FGF17: variants seen among roughly 807,000 people sequenced by gnomAD.
FGF17 encodes the protein fibroblast growth factor 17.
A neutral mutation model predicts 23.5 loss-of-function variants in FGF17; 5 were observed. The observed-to-expected ratio is 0.21, with a 90% CI of 0.11 to 0.45. The LOEUF is 0.45. Ranked by LOEUF, FGF17 falls within the 20% of genes least tolerant of loss-of-function variation. The pLI is 0.99. For synonymous variants in FGF17, 136 were observed against 123.0 expected (o/e 1.11, Z -0.70); for missense variants, 221 against 306.9 (o/e 0.72, Z 2.09).
At chr8:22,041,565 G>C (rs931173958), upstream of FGF17, among the ~76,000 whole-genome samples, 3 of 152,096 alleles carry the variant, frequency 2.0e-5, no homozygotes, top group African/African-American at 7.2e-5. Context: ...TCTGTAGGGA[G>C]GGAACAGCAT....
At chr8:22,046,731 C>G in intron 4 of FGF17, 98 bp downstream of exon 4, 1 of 801,298 alleles carries the variant, frequency 1.2e-6, no homozygotes, top group South Asian at 1.5e-5. Context: ...GCCACACACC[C>G]TCCTGTGTAA....
Position 22,048,215 on chromosome 8 carries a change from C to A in FGF17, c.617C>A (p.Thr206Asn). ...EFVGSAPTRR[T>N]KRTRRPQPLT ...GTGGGCTCCGCCCCCACCCGCCGGA[C>A]CAAGCGCACACGGCGGCCCCAGCCC... Residue 206 changes from threonine (T) to asparagine (N), a missense_variant, in exon 5 of 5, where the codon ACC becomes AAC. Physicochemically the swap from Thr to Asn is moderately conservative, Grantham distance 65. Coordinates refer to ENST00000359441, the MANE Select transcript of FGF17 (RefSeq NM_003867.4). This position sits in a 1 kb window ranked among gnomAD's most constrained non-coding sequence, Gnocchi z 6.9. The A allele has an allele frequency of 6.2e-7, 1 of 1,610,988 alleles. No homozygotes were observed.
chr8:22,041,726 C>G (rs1800742759), upstream of FGF17, among the ~76,000 whole-genome samples: 1 of 152,228 alleles, frequency 6.6e-6, no homozygotes, highest in South Asian at 2.1e-4. Flanking sequence ...GAAGCATGGA[C>G]TTTTCCATTC....
At chr8:22,039,938 G>A (rs927267935), upstream of FGF17, among the ~76,000 whole-genome samples, 5 of 152,044 alleles carry the variant, frequency 3.3e-5, no homozygotes, top group Admixed American at 2.0e-4. Context: ...GGCGTGAGAC[G>A]ACCCCAGCTG....
Position 22,043,132 on chromosome 8 carries a change from T to C in FGF17, c.36-13T>C, listed in dbSNP as rs753399905. 1.2e-6 allele frequency: 2 copies of C among 1,613,774 alleles called. No individual in the cohort carries two copies. Among genetic ancestry groups the C allele is most frequent in the Admixed American group, 3.3e-5 (2 of 60,000 alleles). On this transcript the variant is annotated splice_polypyrimidine_tract_variant and intron_variant, in intron 1 of 4. Transcript: ENST00000359441. ...GGCACCCACACCTGGGCTTACCTCC[T>C]CTCCCCACACAGGTGCTTACAGCTG...
rs1801010996 is a variant in FGF17 at position 22,048,405 on chromosome 8, G to A, written c.*156G>A. On this transcript the variant is annotated 3_prime_UTR_variant, in exon 5 of 5. Coordinates refer to ENST00000359441, the MANE Select transcript of FGF17 (RefSeq NM_003867.4). This position sits in a 1 kb window ranked among gnomAD's most constrained non-coding sequence, Gnocchi z 6.9. ...CCGAGCCCCCAGCTGGGAAGGGGCAGGCCGGTGCCCCAGGGGCGGCTGGCA... is the reference window on the plus strand; with the variant it reads ...CCGAGCCCCCAGCTGGGAAGGGGCAAGCCGGTGCCCCAGGGGCGGCTGGCA... 3 of 705,276 alleles carry A rather than the reference G, an allele frequency of 4.3e-6. No individual in the cohort carries two copies. Among genetic ancestry groups the A allele is most frequent in the Admixed American group, 2.9e-5 (1 of 33,930 alleles). 43.7% of individuals were successfully genotyped at this position (705,276 alleles called of 1,614,324 possible).
chr8:22,045,550 C>T lies in FGF17; in HGVS notation c.73-564C>T, dbSNP rs1029124114. The T allele has an allele frequency of 3.7e-5, 37 of 993,644 alleles. No individual in the cohort carries two copies. In the African/African-American group the frequency reaches 4.9e-4, roughly 13 times the overall value. 61.6% of individuals were successfully genotyped at this position (993,644 alleles called of 1,614,324 possible). On this transcript the variant is annotated intron_variant, in intron 2 of 4. Coordinates refer to ENST00000359441, the MANE Select transcript of FGF17 (RefSeq NM_003867.4). ...TGCTTCAAAGAAATGCTCATGGGACCCTGCAGGAGCTTTCAGAGTCCCCCA... is the reference window on the plus strand; with the variant it reads ...TGCTTCAAAGAAATGCTCATGGGACTCTGCAGGAGCTTTCAGAGTCCCCCA...
upstream of FGF17, among the ~76,000 whole-genome samples, chr8:22,042,164 G>A (rs746577529): frequency 3.3e-5 from 5 of 152,220 alleles, no homozygotes; most frequent in Non-Finnish European, 7.3e-5. Context: ...CCAAGTGTCT[G>A]TCTCAGGCTA....
chr8:22,045,763 C>T, intron 2 of FGF17: 2 of 1,203,082 alleles, frequency 1.7e-6, no homozygotes, highest in East Asian at 5.2e-5. Context: ...GGGTTCTGTC[C>T]CTAATGAGCT....
chr8:22,043,882 G>T (rs1421553806), intron 2 of FGF17, among the ~76,000 whole-genome samples: 4 of 152,262 alleles, frequency 2.6e-5, no homozygotes, highest in Admixed American at 2.0e-4. Flanking sequence ...CCGCTCTGGG[G>T]AGAGATCGCT....
intron 2 of FGF17, chr8:22,045,750 C>G: frequency 1.7e-6 from 2 of 1,181,768 alleles, no homozygotes; most frequent in Non-Finnish European, 2.1e-6. Context: ...GAGGTAGGGA[C>G]AGGGGTTCTG....
upstream of FGF17, chr8:22,042,778 C>G (rs1245043403): frequency 8.6e-6 from 6 of 693,964 alleles, no homozygotes; most frequent in Non-Finnish European, 1.5e-5. Flanking sequence ...CTTTTCTCTC[C>G]TCCTCCTCCC....
chr8:22,040,543 C>T (rs1349883207), upstream of FGF17, among the ~76,000 whole-genome samples: 1 of 152,218 alleles, frequency 6.6e-6, no homozygotes, highest in East Asian at 1.9e-4. Flanking sequence ...CCTGGCTAAG[C>T]CCCGAGGCCC....
chr8:22,047,896 G>A (rs1800979029), intron 4 of FGF17, 60 bp from the exon 5 acceptor site: 1 of 1,531,342 alleles, frequency 6.5e-7, no homozygotes, highest in Admixed American at 1.8e-5. Context: ...GGCCGTAAGG[G>A]CGACACCCCA....
At position 22,047,962 on chromosome 8, in the gene FGF17, G is replaced by A; in HGVS notation, c.364G>A (p.Gly122Arg). ...KRGKLIGKPS[G>R]KSKDCVFTEI... ...GTCCTTGCTTCTCCCGCAGCCCAGC[G>A]GGAAGAGCAAAGACTGCGTGTTCAC... is the stretch of plus-strand genomic sequence containing the variant. The change falls in exon 5 of 5, where the codon GGG becomes AGG. Residue 122 changes from glycine to arginine, a missense_variant. Gly to Arg is a moderately radical substitution (Grantham distance 125, BLOSUM62 -2). This residue lies in a region of FGF17 where 128 missense variants were observed against 150.4 expected (regional missense o/e 0.85). Coordinates refer to ENST00000359441, the MANE Select transcript of FGF17 (RefSeq NM_003867.4). The A allele has an allele frequency of 1.3e-6, 2 of 1,599,002 alleles. No individual in the cohort carries two copies. Among genetic ancestry groups the A allele is most frequent in the Non-Finnish European group, 1.7e-6 (2 of 1,167,742 alleles).
chr8:22,044,297 G>A (rs988433217), intron 2 of FGF17, among the ~76,000 whole-genome samples: 4 of 152,122 alleles, frequency 2.6e-5, no homozygotes, highest in African/African-American at 9.7e-5. Context: ...GGGCCAGCAG[G>A]CCGGACCACA....
intron 2 of FGF17, chr8:22,045,284 C>A (rs1248947453): frequency 1.0e-6 from 1 of 985,916 alleles, no homozygotes; most frequent in African/African-American, 1.7e-5. Context: ...TACATTGTGG[C>A]TAAGGAGCTG....
chr8:22,045,797 T>C, intron 2 of FGF17: 1 of 1,273,480 alleles, frequency 7.9e-7, no homozygotes, highest in Non-Finnish European at 1.0e-6. Flanking sequence ...ACCTCCTTCA[T>C]AGAATACGAG....
At chr8:22,045,282 G>A (rs957249524) in intron 2 of FGF17, 10 of 985,780 alleles carry the variant, frequency 1.0e-5, no homozygotes, top group African/African-American at 3.5e-5. Context: ...GTTACATTGT[G>A]GCTAAGGAGC....
Sources: allele counts gnomAD v4.1 joint callset (sites outside exome capture counted in the v4.1 genomes callset), GRCh38; gene constraint gnomAD v4.1.1; regional missense constraint gnomAD v4.1.1; non-coding constraint Gnocchi (gnomAD v3.1); transcripts MANE v1.5; gene names NCBI Gene and HGNC (gene_info 2026-07-23, HGNC 2026-07-21).